Variants in KSR1 observed in about 807,000 individuals in gnomAD.
KSR1 encodes kinase suppressor of ras.
Under a neutral mutation model 92.9 loss-of-function variants are expected in KSR1, and 35 were observed. That is an observed-to-expected ratio of 0.38 (90% confidence interval 0.29 to 0.50). The LOEUF (loss-of-function observed/expected upper bound fraction) is 0.50, where lower values mean the gene tolerates loss of function less well. KSR1 is among the 20% of genes least tolerant of loss of function. KSR1 has a pLI of 0.94. For missense variants in KSR1, 972 were observed against 1,158.5 expected (o/e 0.84, Z 2.34); for synonymous variants, 467 against 472.6 (o/e 0.99, Z 0.15).
intron 2 of KSR1, chr17:27,560,296 G>A (rs773974659): frequency 2.3e-5 from 9 of 389,514 alleles, no homozygotes; most frequent in Non-Finnish European, 4.1e-5. Context: ...GCAATTTCCC[G>A]GTTGGAAGTT....
intron 1 of KSR1, among the ~76,000 whole-genome samples, chr17:27,505,780 C>T (rs1304439122): frequency 6.6e-6 from 1 of 152,176 alleles, no homozygotes; most frequent in Non-Finnish European, 1.5e-5. Flanking sequence ...CCATTTTGTA[C>T]CAGGTATTGG....
In KSR1 at chr17:27,522,824, T is replaced by C. The variant is rs563856150; in HGVS notation, c.232-27744T>C. Among the ~76,000 whole-genome samples, 35 of 152,208 alleles carry C rather than the reference T, an allele frequency of 2.3e-4. 1 individual carries two copies. The highest frequency in any genetic ancestry group is 6.5e-4 in the Admixed American group (10 of 15,286). ...TCTGAATGCTGGCTGCCCAGCTAGGTTGCTTTTTGCAGGGTGGTCTGTCCT... is the reference window on the plus strand; with the variant it reads ...TCTGAATGCTGGCTGCCCAGCTAGGCTGCTTTTTGCAGGGTGGTCTGTCCT... On this transcript the variant is annotated intron_variant, in intron 1 of 20. Coordinates refer to ENST00000644974, the MANE Select transcript of KSR1 (RefSeq NM_001394583.1).
intron 1 of KSR1, among the ~76,000 whole-genome samples, chr17:27,535,492 G>A (rs538511078): frequency 6.6e-6 from 1 of 152,168 alleles, no homozygotes; most frequent in African/African-American, 2.4e-5. Context: ...AAAAGGGTGT[G>A]GATGCTGATC....
At chr17:27,504,028 T>C (rs1457527075) in intron 1 of KSR1, among the ~76,000 whole-genome samples, 1 of 152,236 alleles carries the variant, frequency 6.6e-6, no homozygotes, top group Non-Finnish European at 1.5e-5. Flanking sequence ...GGTATCTGGA[T>C]ACTGTGGATA....
chr17:27,550,483 C>G, intron 1 of KSR1, 85 bp from the exon 2 acceptor site: 1 of 725,736 alleles, frequency 1.4e-6, no homozygotes, highest in South Asian at 1.4e-5. Context: ...TTGTGTCTGC[C>G]TGAGCTCCTC....
intron 14 of KSR1, among the ~76,000 whole-genome samples, chr17:27,607,232 T>C (rs1222383017): frequency 6.6e-6 from 1 of 152,200 alleles, no homozygotes; most frequent in Non-Finnish European, 1.5e-5. Context: ...CAATATTCTC[T>C]ACCCCTTGCC....
At chr17:27,561,492 G>A (rs1249743753) in intron 2 of KSR1, among the ~76,000 whole-genome samples, 2 of 152,220 alleles carry the variant, frequency 1.3e-5, no homozygotes, top group Admixed American at 6.5e-5. Flanking sequence ...TGATGCACAC[G>A]TCTGCAAATA....
At chr17:27,503,557 C>T (rs745320561) in intron 1 of KSR1, among the ~76,000 whole-genome samples, 2 of 152,252 alleles carry the variant, frequency 1.3e-5, no homozygotes, top group South Asian at 2.1e-4. Flanking sequence ...AGTTTGGTAT[C>T]GTTAACTCCT....
At chr17:27,491,490 A>G (rs909979194) in intron 1 of KSR1, among the ~76,000 whole-genome samples, 1 of 152,104 alleles carries the variant, frequency 6.6e-6, no homozygotes, top group Admixed American at 6.5e-5. Context: ...GTGCCTGGCC[A>G]CAAAACACTC....
chr17:27,458,879 A>G (rs1364414761), intron 1 of KSR1, among the ~76,000 whole-genome samples: 2 of 152,196 alleles, frequency 1.3e-5, no homozygotes, highest in Non-Finnish European at 2.9e-5. Context: ...CCTGCAAAAC[A>G]AGGAGGCTGG....
Position 27,626,261 on chromosome 17 carries a change from T to G in KSR1, c.*2869T>G, listed in dbSNP as rs901916155. The G allele has an allele frequency of 6.6e-6, 1 of 152,252 alleles. No individual in the cohort carries two copies. The highest frequency in any genetic ancestry group is 1.5e-5 in the Non-Finnish European group (1 of 68,036). 9.4% of individuals were successfully genotyped at this position (152,252 alleles called of 1,614,324 possible). ...TGATGTAAAATTTGTACAGTAAAGT[T>G]TTTATATTTTCTATCAACTACATTT... On this transcript the variant is annotated 3_prime_UTR_variant, in exon 21 of 21. Transcript: ENST00000644974.
chr17:27,493,496 C>G (rs974268173), intron 1 of KSR1, among the ~76,000 whole-genome samples: 1 of 152,146 alleles, frequency 6.6e-6, no homozygotes, highest in Non-Finnish European at 1.5e-5. Flanking sequence ...GACCCTGCCC[C>G]GTGGTGCTCG....
intron 3 of KSR1, among the ~76,000 whole-genome samples, chr17:27,581,360 A>T (rs1234111153): frequency 6.6e-6 from 1 of 152,108 alleles, no homozygotes; most frequent in Non-Finnish European, 1.5e-5. Context: ...TCTTAGCAAG[A>T]CATTCAAGGC....
At chr17:27,573,058 C>T (rs1224453553) in intron 2 of KSR1, among the ~76,000 whole-genome samples, 1 of 152,160 alleles carries the variant, frequency 6.6e-6, no homozygotes, top group African/African-American at 2.4e-5. Context: ...CCCCCGTTTG[C>T]CTACAGAAAT....
rs754246978 is a variant in KSR1, at chr17:27,590,802, C to T, written c.1047-9C>T. On this transcript the variant is annotated splice_polypyrimidine_tract_variant and intron_variant, in intron 6 of 20. Coordinates refer to ENST00000644974, the MANE Select transcript of KSR1 (RefSeq NM_001394583.1). ...GGTGCAAACATGTGCCTGTGTCCGC[C>T]CTCTGCAGGTTCTCCACCAAGTCCT... is the stretch of plus-strand genomic sequence containing the variant. The T allele has an allele frequency of 1.2e-5, 20 of 1,607,462 alleles. No homozygotes were observed. Among genetic ancestry groups the T allele is most frequent in the Non-Finnish European group, 1.7e-5 (20 of 1,177,218 alleles).
chr17:27,463,433 G>C (rs1478611753), intron 1 of KSR1, among the ~76,000 whole-genome samples: 2 of 148,814 alleles, frequency 1.3e-5, no homozygotes, highest in African/African-American at 5.0e-5. Flanking sequence ...AGTGACCTGA[G>C]ATTGCATCAT....
intron 1 of KSR1, among the ~76,000 whole-genome samples, chr17:27,494,683 T>A (rs1451626685): frequency 2.0e-5 from 3 of 152,270 alleles, no homozygotes; most frequent in Non-Finnish European, 2.9e-5. Flanking sequence ...ATTTCTGGCA[T>A]TTGTGCAGTT....
At chr17:27,608,616 G>T (rs538656004) in intron 15 of KSR1, among the ~76,000 whole-genome samples, 1 of 148,224 alleles carries the variant, frequency 6.7e-6, no homozygotes, top group African/African-American at 2.5e-5. Context: ...TGAGCACTGT[G>T]TCCAAGGCCA....
chr17:27,568,327 C>T (rs935395913), intron 2 of KSR1, among the ~76,000 whole-genome samples: 6 of 152,242 alleles, frequency 3.9e-5, no homozygotes, highest in African/African-American at 9.6e-5. Flanking sequence ...ACAGACCTCA[C>T]GTGCTAAACA....
Sources: gnomAD v4.1 joint callset for allele counts (sites outside exome capture counted in the v4.1 genomes callset) on GRCh38, gnomAD v4.1.1 for gene constraint, MANE v1.5 for transcripts, NCBI Gene and HGNC (gene_info 2026-07-23, HGNC 2026-07-21) for gene names.